GRIK2: variants seen among roughly 807,000 people sequenced by gnomAD.
GRIK2 encodes glutamate ionotropic receptor kainate type subunit 2.
A neutral mutation model predicts 100.3 loss-of-function variants in GRIK2; 32 were observed. That is an observed-to-expected ratio of 0.32 (90% CI 0.24 to 0.43). The LOEUF is 0.43. Among genes scored for constraint, GRIK2 ranks in the 20% least tolerant of loss-of-function variants. The pLI is 1.00. For missense variants in GRIK2, 843 were observed against 1,114.9 expected (o/e 0.76, Z 3.47); for synonymous variants, 417 against 389.4 (o/e 1.07, Z -0.83).
intron 7 of GRIK2, among the ~76,000 whole-genome samples, chr6:101,706,589 C>T (rs1234970623): frequency 6.6e-6 from 1 of 151,826 alleles, no homozygotes; most frequent in African/African-American, 2.4e-5. Context: ...GATAAACAGG[C>T]AGGAGGTTAG....
intron 2 of GRIK2, among the ~76,000 whole-genome samples, chr6:101,442,190 G>A (rs1382690504): frequency 6.6e-6 from 1 of 152,146 alleles, no homozygotes; most frequent in Non-Finnish European, 1.5e-5. Flanking sequence ...CAAAAACCAG[G>A]TTCTTGTCAC....
chr6:101,963,278 ATTTTTTTTTTTTTTTTTTTTTT>A (rs3029099), intron 14 of GRIK2, among the ~76,000 whole-genome samples: 3 of 27,822 alleles, frequency 1.1e-4, no homozygotes, highest in Non-Finnish European at 1.4e-4. Flanking sequence ...CTTATTTAGG[ATTTTTTTTTTTTTTTTTTTTTT>A]TTTTTTTTTT....
chr6:101,876,608 A>C (rs1328381912), intron 11 of GRIK2, among the ~76,000 whole-genome samples: 1 of 151,828 alleles, frequency 6.6e-6, no homozygotes, highest in East Asian at 1.9e-4. Flanking sequence ...AGCAAAGTTC[A>C]AAGAGAGCTT....
chr6:101,836,698 C>T (rs1783141139), intron 10 of GRIK2, among the ~76,000 whole-genome samples: 1 of 112,008 alleles, frequency 8.9e-6, no homozygotes, highest in Admixed American at 1.3e-4. Flanking sequence ...CAGAGTCTCA[C>T]TCTGTCACCC....
chr6:101,783,497 T>G (rs1583140520), intron 7 of GRIK2, among the ~76,000 whole-genome samples: 1 of 152,286 alleles, frequency 6.6e-6, no homozygotes, highest in East Asian at 1.9e-4. Context: ...AAAAATGGAC[T>G]AATAAAGAGA....
At chr6:101,825,367 T>G (rs1782253957) in intron 10 of GRIK2, among the ~76,000 whole-genome samples, 2 of 152,170 alleles carry the variant, frequency 1.3e-5, no homozygotes, top group South Asian at 4.1e-4. Context: ...ATTTCTCATA[T>G]TTTCAGAGAC....
intron 7 of GRIK2, among the ~76,000 whole-genome samples, chr6:101,757,075 A>T (rs1378686978): frequency 6.6e-6 from 1 of 152,150 alleles, no homozygotes; most frequent in Non-Finnish European, 1.5e-5. Flanking sequence ...AATAGCTTTA[A>T]ATGGGACATA....
chr6:101,607,146 T>C (rs1279715374), intron 2 of GRIK2, among the ~76,000 whole-genome samples: 2 of 151,990 alleles, frequency 1.3e-5, no homozygotes, highest in African/African-American at 2.4e-5. Context: ...TATGTGTCTA[T>C]TGGGAGAAAT....
intron 4 of GRIK2, among the ~76,000 whole-genome samples, chr6:101,659,295 G>A (rs1041883308): frequency 6.6e-6 from 1 of 152,042 alleles, no homozygotes; most frequent in African/African-American, 2.4e-5. Flanking sequence ...CTTGTTTTTT[G>A]TCAGGTTTGT....
chr6:101,519,442 A>G (rs1221260324), intron 2 of GRIK2, among the ~76,000 whole-genome samples: 1 of 151,112 alleles, frequency 6.6e-6, no homozygotes, highest in African/African-American at 2.4e-5. Context: ...GAATACTACT[A>G]TTTTTCTTTT....
intron 14 of GRIK2, among the ~76,000 whole-genome samples, chr6:101,991,228 T>C (rs1184403036): frequency 2.6e-5 from 4 of 151,862 alleles, no homozygotes; most frequent in South Asian, 2.1e-4. Flanking sequence ...CCAGACACTA[T>C]GATAAATAGC....
intron 14 of GRIK2, among the ~76,000 whole-genome samples, chr6:102,004,323 G>T (rs1379826825): frequency 7.3e-6 from 1 of 136,650 alleles, no homozygotes; most frequent in Non-Finnish European, 1.5e-5. Flanking sequence ...ATCTACCTCA[G>T]ATCATAATAA....
intron 2 of GRIK2, among the ~76,000 whole-genome samples, chr6:101,457,815 C>G (rs1771090294): frequency 6.6e-6 from 1 of 152,014 alleles, no homozygotes; most frequent in South Asian, 2.1e-4. Flanking sequence ...AACAGTCACT[C>G]CCTAGATGCC....
At chr6:101,595,742 T>TATATATATATATA (rs1778900353) in intron 2 of GRIK2, among the ~76,000 whole-genome samples, 3 of 118,474 alleles carry the variant, frequency 2.5e-5, no homozygotes, top group African/African-American at 1.0e-4. Flanking sequence ...ATATATATAT[T>TATATATATATATA]CATACACATA....
intron 2 of GRIK2, among the ~76,000 whole-genome samples, chr6:101,509,157 C>CA (rs397885238): frequency 0.27 from 26,741 of 99,980 alleles, 3,544 homozygotes; most frequent in Middle Eastern, 0.3. Flanking sequence ...GACTCTGTCT[C>CA]AAAAAAAAAA....
intron 11 of GRIK2, among the ~76,000 whole-genome samples, chr6:101,863,427 A>G (rs538087389): frequency 2.0e-5 from 3 of 152,256 alleles, no homozygotes; most frequent in Admixed American, 2.0e-4. Flanking sequence ...TGTACTCCAA[A>G]AAGCTTTTTG....
intron 2 of GRIK2, among the ~76,000 whole-genome samples, chr6:101,485,974 T>C (rs1772803517): frequency 6.6e-6 from 1 of 151,968 alleles, no homozygotes; most frequent in Admixed American, 6.6e-5. Context: ...GTGGTATGTC[T>C]ATAAAGCATT....
At chr6:101,994,386 A>T (rs1794541601) in intron 14 of GRIK2, among the ~76,000 whole-genome samples, 1 of 151,760 alleles carries the variant, frequency 6.6e-6, no homozygotes, top group Admixed American at 6.6e-5. Context: ...AATCTTTTTC[A>T]TGCATATGTA....
chr6:101,456,334 G>T (rs1343967973), intron 2 of GRIK2, among the ~76,000 whole-genome samples: 1 of 151,980 alleles, frequency 6.6e-6, no homozygotes, highest in Non-Finnish European at 1.5e-5. Context: ...ATTTGAGGAG[G>T]AATATTTTCC....
Sources: allele counts gnomAD v4.1 joint callset (sites outside exome capture counted in the v4.1 genomes callset), GRCh38; gene constraint gnomAD v4.1.1; transcripts MANE v1.5; gene names NCBI Gene and HGNC (gene_info 2026-07-23, HGNC 2026-07-21).